The following KTN1 variants were observed in gnomAD, a reference collection of about 807,000 sequenced individuals.
KTN1 encodes the protein kinectin.
In KTN1, 130 loss-of-function variants were observed where a neutral mutation model predicts 222.5. The observed-to-expected ratio is 0.58, with a 90% confidence interval of 0.51 to 0.68. KTN1 has a LOEUF of 0.68. KTN1 is among the 30% of genes least tolerant of loss of function. The pLI is 0.00. For missense variants in KTN1, 1,508 were observed against 1,500.4 expected (o/e 1.01, Z -0.08); for synonymous variants, 512 against 496.3 (o/e 1.03, Z -0.42).
intron 35 of KTN1, 68 bp from the exon 36 acceptor site, chr14:55,671,497 TA>T: frequency 8.7e-7 from 1 of 1,143,972 alleles, no homozygotes; most frequent in Non-Finnish European, 1.3e-6. Context: ...TATTAAGTAC[TA>T]AAACAAACTT....
chr14:55,627,947 G>A lies in KTN1; in HGVS notation c.999G>A (p.Gln333=). The part of the protein sequence containing the change: ...SKGELTTLIH[Q]LQEKDKLLAA... ...GAGAATTGACTACGCTTATACATCA[G>A]CTTCAAGAAAAGGACAAGTTACTCG... Residue 333 remains glutamine, a synonymous_variant, in exon 6 of 44, where the codon CAG becomes CAA. Coordinates refer to ENST00000395314, the MANE Select transcript of KTN1 (RefSeq NM_001079521.2). 6.2e-7 allele frequency: 1 copy of A among 1,613,518 alleles called. No individual in the cohort carries two copies. Among genetic ancestry groups the A allele is most frequent in the Non-Finnish European group, 8.5e-7 (1 of 1,179,526 alleles).
chr14:55,619,169 T>G lies in KTN1; in HGVS notation c.833-13T>G, dbSNP rs777700444. ...ATGCCAACTCTTTGTTTGTTTGTTT[T>G]TTTCAAATTAAGAAAATGCTGAAGT... On this transcript the variant is annotated splice_polypyrimidine_tract_variant and intron_variant, in intron 4 of 43. Coordinates refer to ENST00000395314, the MANE Select transcript of KTN1 (RefSeq NM_001079521.2). 7 of 1,593,460 alleles carry G rather than the reference T, an allele frequency of 4.4e-6. No homozygotes were observed. Among genetic ancestry groups the G allele is most frequent in the Non-Finnish European group, 5.1e-6 (6 of 1,165,596 alleles).
intron 7 of KTN1, among the ~76,000 whole-genome samples, chr14:55,631,011 C>G (rs533228807): frequency 6.6e-6 from 1 of 152,044 alleles, no homozygotes; most frequent in Non-Finnish European, 1.5e-5. Context: ...TACCCTTTCA[C>G]CTGTCTTCTG....
intron 12 of KTN1, among the ~76,000 whole-genome samples, chr14:55,638,242 C>T (rs567341335): frequency 3.3e-5 from 5 of 151,932 alleles, no homozygotes; most frequent in South Asian, 2.1e-4. Flanking sequence ...AACCATAGAT[C>T]ACAGATTATA....
At chr14:55,669,869 A>G (rs1243528739) in intron 34 of KTN1, among the ~76,000 whole-genome samples, 1 of 152,032 alleles carries the variant, frequency 6.6e-6, no homozygotes, top group African/African-American at 2.4e-5. Context: ...TCTGCTGCAT[A>G]TGTAACAGTT....
intron 32 of KTN1, chr14:55,662,874 CTG>C (rs1161720592): frequency 4.4e-6 from 2 of 456,022 alleles, no homozygotes; most frequent in Non-Finnish European, 4.4e-6. Flanking sequence ...AACATCTTAA[CTG>C]TGTTTTATTA....
chr14:55,581,787 T>G (rs1021283093), intron 1 of KTN1, among the ~76,000 whole-genome samples: 1 of 148,820 alleles, frequency 6.7e-6, no homozygotes, highest in Non-Finnish European at 1.5e-5. Context: ...TGGTGAGACT[T>G]GGGATAATGA....
intron 1 of KTN1, among the ~76,000 whole-genome samples, chr14:55,580,752 C>T (rs889466764): frequency 6.6e-6 from 1 of 152,124 alleles, no homozygotes; most frequent in Non-Finnish European, 1.5e-5. Context: ...CTGAGGGCCC[C>T]CGGGAGGGAA....
intron 43 of KTN1, chr14:55,683,689 GA>G (rs2046557387): frequency 7.1e-6 from 1 of 140,840 alleles, no homozygotes; most frequent in Non-Finnish European, 1.5e-5. Context: ...ATCTGACTTA[GA>G]AAACTTCATA....
At chr14:55,650,288 G>A (rs1207965919) in intron 22 of KTN1, 40 bp from the exon 23 acceptor site, 2 of 1,355,178 alleles carry the variant, frequency 1.5e-6, no homozygotes, top group Non-Finnish European at 2.1e-6. Flanking sequence ...GTGGGTCTTG[G>A]TGATTTCTAA....
At chr14:55,679,759 T>C in intron 43 of KTN1, 74 bp downstream of exon 43, 1 of 1,416,998 alleles carries the variant, frequency 7.1e-7, no homozygotes, top group Non-Finnish European at 9.9e-7. Flanking sequence ...TTTACATAAA[T>C]AAACTCACTT....
At chr14:55,645,242 A>G (rs1466231757) in intron 18 of KTN1, among the ~76,000 whole-genome samples, 3 of 152,218 alleles carry the variant, frequency 2.0e-5, no homozygotes, top group Non-Finnish European at 4.4e-5. Context: ...AAGACATGAC[A>G]GTGTGGCAAG....
intron 1 of KTN1, among the ~76,000 whole-genome samples, chr14:55,582,847 G>GCAA (rs778788605): frequency 6.6e-6 from 1 of 152,110 alleles, no homozygotes; most frequent in Non-Finnish European, 1.5e-5. Context: ...CTTATGACCT[G>GCAA]CTTGTTCTCT....
At chr14:55,670,702 AATG>A (rs772448288) in intron 34 of KTN1, 24 bp from the exon 35 acceptor site, 66 of 1,500,084 alleles carry the variant, frequency 4.4e-5, no homozygotes, top group Non-Finnish European at 5.7e-5. Flanking sequence ...TTTGGAAATT[AATG>A]ATTTTAACTT....
chr14:55,628,747 C>T (rs1482591208), intron 6 of KTN1, among the ~76,000 whole-genome samples: 1 of 152,000 alleles, frequency 6.6e-6, no homozygotes, highest in Non-Finnish European at 1.5e-5. Context: ...AAAAAGTTGG[C>T]AAGATTAATT....
At position 55,672,620 on chromosome 14, in the gene KTN1, C is replaced by G; in HGVS notation, c.3532-10C>G. 2 of 1,584,652 alleles carry G rather than the reference C, an allele frequency of 1.3e-6. No homozygotes were observed. Among genetic ancestry groups the G allele is most frequent in the Middle Eastern group, 1.7e-4 (1 of 6,004 alleles). ...GTTTTACTTGGCCATGTAATTGTTT[C>G]ACATTTCAGATGCAGTCATCATTTA... On this transcript the variant is annotated splice_polypyrimidine_tract_variant and intron_variant, in intron 37 of 43. Coordinates refer to ENST00000395314, the MANE Select transcript of KTN1 (RefSeq NM_001079521.2).
chr14:55,676,471 G>A (rs1772081366), intron 41 of KTN1, among the ~76,000 whole-genome samples: 2 of 152,034 alleles, frequency 1.3e-5, no homozygotes, highest in South Asian at 4.2e-4. Flanking sequence ...TTATATCAAA[G>A]CTGTTTTAGA....
intron 1 of KTN1, among the ~76,000 whole-genome samples, chr14:55,583,413 A>G (rs2032191705): frequency 6.6e-6 from 1 of 150,460 alleles, no homozygotes; most frequent in South Asian, 2.1e-4. Context: ...TGTAGAAGAC[A>G]TACCCTAAAA....
chr14:55,656,042 G>T lies in KTN1; in HGVS notation c.2802G>T (p.Val934=), dbSNP rs1184374551. ...SASQFEELEI[V]LKEKENELKR... ...TGCAGATCTTTGTAAAAAATTCTAG[G>T]TTGAAAGAAAAGGAAAATGAATTGA... Residue 934 remains valine (V), a splice_region_variant and synonymous_variant, in exon 29 of 44, where the codon GTG becomes GTT. Coordinates refer to ENST00000395314, the MANE Select transcript of KTN1 (RefSeq NM_001079521.2). 6.3e-7 allele frequency: 1 copy of T among 1,587,760 alleles called. No individual in the cohort carries two copies. The highest frequency in any genetic ancestry group is 1.7e-4 in the Middle Eastern group (1 of 5,980).
Sources: gnomAD v4.1 joint callset for allele counts (sites outside exome capture counted in the v4.1 genomes callset) on GRCh38, gnomAD v4.1.1 for gene constraint, MANE v1.5 for transcripts, NCBI Gene and HGNC (gene_info 2026-07-23, HGNC 2026-07-21) for gene names.